The following BTBD2 variants were observed in gnomAD, a reference collection of about 807,000 sequenced individuals.
The protein encoded by BTBD2 is BTB domain containing 2.
A neutral mutation model predicts 44.0 loss-of-function variants in BTBD2; 15 were observed. The observed-to-expected ratio is 0.34, with a 90% CI of 0.23 to 0.53. The LOEUF (loss-of-function observed/expected upper bound fraction) is 0.53, where lower values mean the gene tolerates loss of function less well. Ranked by LOEUF, BTBD2 falls within the 20% of genes least tolerant of loss-of-function variation. The pLI, the probability that BTBD2 is intolerant of heterozygous loss-of-function variation, is 0.95. For synonymous variants in BTBD2, 443 were observed against 335.9 expected (o/e 1.32, Z -3.49); for missense variants, 657 against 746.4 (o/e 0.88, Z 1.39).
At position 1,990,026 on chromosome 19, in the gene BTBD2, C is replaced by A. The variant is rs1458469214; in HGVS notation, c.966G>T (p.Met322Ile). ...TACCTGCAGCGAACTCCTCGATGGTCATGAGCGGGAAGCGAATGAGGCCCA... is the reference window on the plus strand; with the variant it reads ...TACCTGCAGCGAACTCCTCGATGGTAATGAGCGGGAAGCGAATGAGGCCCA... ...KALGLIRFPLMTIEEFAAGPA... is the reference protein window; with the variant it reads ...KALGLIRFPLITIEEFAAGPA... Residue 322 changes from methionine (M) to isoleucine (I), a missense_variant, in exon 5 of 9, where the codon ATG becomes ATT. Coordinates refer to ENST00000255608, the MANE Select transcript of BTBD2 (RefSeq NM_017797.4). The A allele has an allele frequency of 2.5e-6, 4 of 1,613,272 alleles. No individual in the cohort carries two copies. The highest frequency in any genetic ancestry group is 1.3e-5 in the African/African-American group (1 of 74,942).
intron 1 of BTBD2, among the ~76,000 whole-genome samples, chr19:2,006,453 G>A (rs565325934): frequency 6.0e-5 from 9 of 151,008 alleles, no homozygotes; most frequent in African/African-American, 2.2e-4. Flanking sequence ...CTTGCAGTGA[G>A]CTGACACTGT....
At chr19:1,994,766 G>A (rs1168016664) in intron 2 of BTBD2, among the ~76,000 whole-genome samples, 1 of 151,782 alleles carries the variant, frequency 6.6e-6, no homozygotes, top group Non-Finnish European at 1.5e-5. Flanking sequence ...CTCAAAAAAT[G>A]AAAAAATAAA....
At chr19:2,001,976 G>A (rs1044991098) in intron 1 of BTBD2, among the ~76,000 whole-genome samples, 1 of 152,172 alleles carries the variant, frequency 6.6e-6, no homozygotes, top group Non-Finnish European at 1.5e-5. Context: ...CCTGACGTCA[G>A]ATGATCCGCC....
chr19:1,992,958 C>A, intron 3 of BTBD2, 62 bp downstream of exon 3: 1 of 856,838 alleles, frequency 1.2e-6, no homozygotes, highest in Admixed American at 3.9e-5. Flanking sequence ...CGGTCCGCCC[C>A]ACCCCGGCCC....
intron 4 of BTBD2, 176 bp from the exon 5 acceptor site, chr19:1,990,377 G>A (rs1363389322): frequency 1.9e-5 from 13 of 685,828 alleles, no homozygotes; most frequent in Admixed American, 2.8e-5. Context: ...ACAAGACCAC[G>A]CCCCTTCATT....
intron 1 of BTBD2, among the ~76,000 whole-genome samples, chr19:2,004,827 T>G (rs891871565): frequency 6.7e-6 from 1 of 150,280 alleles, no homozygotes; most frequent in Non-Finnish European, 1.5e-5. Flanking sequence ...AAAAAAAAAT[T>G]ATTATTTTTT....
chr19:1,990,712 C>A lies in BTBD2; in HGVS notation c.790+5G>T, dbSNP rs376436365. 8.8e-6 allele frequency: 14 copies of A among 1,593,288 alleles called. No homozygotes were observed. The African/African-American group carries it at 1.7e-4, about 20-fold the overall frequency. The stretch of plus-strand genomic sequence containing the variant: ...ATTCCCACACCTGGGCTCCTGGGCC[C>A]TTACCCAGGTCAATGTCGGTGAAGC... On this transcript the variant is annotated splice_donor_5th_base_variant and intron_variant, in intron 4 of 8. Transcript: ENST00000255608.
At chr19:1,996,089 C>T (rs548983846) in intron 2 of BTBD2, among the ~76,000 whole-genome samples, 1 of 93,384 alleles carries the variant, frequency 1.1e-5, no homozygotes, top group South Asian at 3.1e-4. Flanking sequence ...CCTTGGCACC[C>T]TTGCAAAAAA....
intron 1 of BTBD2, among the ~76,000 whole-genome samples, chr19:2,000,658 C>G (rs975658964): frequency 4.6e-5 from 7 of 152,178 alleles, no homozygotes; most frequent in Non-Finnish European, 7.3e-5. Context: ...AGCCCCACTC[C>G]CGGCTGTTCC....
intron 7 of BTBD2, 83 bp downstream of exon 7, chr19:1,987,060 GGGGGCAGCACAGGGACCAGGGCC>G: frequency 6.3e-7 from 1 of 1,589,644 alleles, no homozygotes; most frequent in East Asian, 2.2e-5. Flanking sequence ...TGCCCAGGGT[GGGGGCAGCACAGGGACCAGGGCC>G]GGGGGTTCAG....
chr19:2,015,332 G>C lies in BTBD2; in HGVS notation c.372C>G (p.Gly124=). The C allele has an allele frequency of 6.3e-7, 1 of 1,580,398 alleles. No individual in the cohort carries two copies. The highest frequency in any genetic ancestry group is 8.5e-7 in the Non-Finnish European group (1 of 1,170,798). Residue 124 remains glycine (G), a synonymous_variant, in exon 1 of 9, where the codon GGC becomes GGG. Transcript: ENST00000255608. ...GGATGCGCTGCGAGCTGAGCCCCTT[G>C]CCCACCAGGAAGTGCACGTCGCACA... The part of the protein sequence containing the change: ...EVLCDVHFLV[G]KGLSSQRIPA...
intron 2 of BTBD2, among the ~76,000 whole-genome samples, chr19:1,995,197 C>T (rs909598178): frequency 3.3e-5 from 5 of 151,636 alleles, no homozygotes; most frequent in African/African-American, 1.2e-4. Context: ...CAACTCCTGA[C>T]CTCAGGTGAT....
chr19:1,992,904 C>G, intron 3 of BTBD2, 116 bp downstream of exon 3: 1 of 1,038,750 alleles, frequency 9.6e-7, no homozygotes, highest in South Asian at 2.3e-5. Flanking sequence ...CAGGAGCCTG[C>G]TGCCTCCCGG....
intron 1 of BTBD2, among the ~76,000 whole-genome samples, chr19:1,998,630 C>T (rs1371574484): frequency 2.6e-5 from 4 of 152,130 alleles, no homozygotes; most frequent in Non-Finnish European, 4.4e-5. Context: ...GCTATGAACC[C>T]GCGTTTGGCC....
intron 2 of BTBD2, among the ~76,000 whole-genome samples, chr19:1,994,980 G>A (rs569140863): frequency 1.3e-3 from 191 of 151,976 alleles, no homozygotes; most frequent in Non-Finnish European, 2.1e-3. Context: ...TTTTTTTGTT[G>A]TTGTTGAGAC....
At chr19:1,991,221 C>T (rs1599349337) in intron 3 of BTBD2, 2 of 190,376 alleles carry the variant, frequency 1.1e-5, no homozygotes, top group Non-Finnish European at 2.2e-5. Flanking sequence ...CCGACCACAA[C>T]ATGCCCTTGG....
At chr19:2,010,509 AC>A (rs1325152855) in intron 1 of BTBD2, among the ~76,000 whole-genome samples, 1 of 150,858 alleles carries the variant, frequency 6.6e-6, no homozygotes, top group African/African-American at 2.4e-5. Flanking sequence ...CTCACCCTGC[AC>A]CCCCGCCAGG....
In BTBD2 at chr19:2,010,460, C is replaced by T. The variant is rs569202211; in HGVS notation, c.407+4837G>A. Among the ~76,000 whole-genome samples the T allele has an allele frequency of 1.2e-3, 186 of 152,300 alleles. 2 individuals carry two copies. The highest frequency in any genetic ancestry group is 3.4e-3 in the Middle Eastern group (1 of 294). ...GACGGTCCAGACACTGGGGCCACCA[C>T]CAAGGCCTGCTCCCAGCCTCCTCTC... On this transcript the variant is annotated intron_variant, in intron 1 of 8. Coordinates refer to ENST00000255608, the MANE Select transcript of BTBD2 (RefSeq NM_017797.4).
chr19:1,989,824 C>T, intron 5 of BTBD2, 180 bp downstream of exon 5: 1 of 678,222 alleles, frequency 1.5e-6, no homozygotes, highest in South Asian at 1.9e-5. Flanking sequence ...CAGAGCCGGG[C>T]CGGGGCTAAC....
Sources: allele counts gnomAD v4.1 joint callset (sites outside exome capture counted in the v4.1 genomes callset), GRCh38; gene constraint gnomAD v4.1.1; transcripts MANE v1.5; gene names NCBI Gene and HGNC (gene_info 2026-07-23, HGNC 2026-07-21).